MYO1E: variants seen among roughly 807,000 people sequenced by gnomAD.
MYO1E encodes unconventional myosin-Ie.
MYO1E carries 68 observed loss-of-function variants against 151.1 expected under a neutral mutation model. The observed-to-expected ratio is 0.45, with a 90% CI of 0.37 to 0.55. The LOEUF (loss-of-function observed/expected upper bound fraction) is 0.55, where lower values mean the gene tolerates loss of function less well. MYO1E is among the 20% of genes least tolerant of loss of function. The probability of loss-of-function intolerance (pLI) is 0.00; values close to 1 mark genes in which losing one functional copy is unlikely to be tolerated. For missense variants in MYO1E, 1,363 were observed against 1,389.3 expected (o/e 0.98, Z 0.30); for synonymous variants, 601 against 501.7 (o/e 1.20, Z -2.64).
chr15:59,190,652 C>T (rs1011553356), intron 17 of MYO1E, among the ~76,000 whole-genome samples: 5 of 152,214 alleles, frequency 3.3e-5, no homozygotes, highest in African/African-American at 1.2e-4. Context: ...TGCCACGATG[C>T]AACTTCTCTG....
At chr15:59,193,894 C>G (rs2129426) in intron 17 of MYO1E, among the ~76,000 whole-genome samples, 63,420 of 151,970 alleles carry the variant, frequency 0.42, 15,320 homozygotes, top group African/African-American at 0.64. Context: ...ATGCCTTAAG[C>G]GGTCAGGGGT....
At chr15:59,161,262 A>G in intron 23 of MYO1E, 32 bp from the exon 24 acceptor site, 1 of 1,610,222 alleles carries the variant, frequency 6.2e-7, no homozygotes, top group Non-Finnish European at 8.5e-7. Flanking sequence ...TAACAGGTCG[A>G]AGGACGCAGT....
chr15:59,150,864 C>G (rs1410950225), intron 26 of MYO1E, among the ~76,000 whole-genome samples: 1 of 152,140 alleles, frequency 6.6e-6, no homozygotes, highest in Non-Finnish European at 1.5e-5. Flanking sequence ...AGTGGGCCAG[C>G]AAGCTTTCCA....
intron 4 of MYO1E, among the ~76,000 whole-genome samples, chr15:59,250,571 A>T (rs1596384971): frequency 1.3e-5 from 2 of 151,554 alleles, no homozygotes; most frequent in South Asian, 4.2e-4. Context: ...TGTAATCCTA[A>T]GTGTAGGGCT....
chr15:59,356,912 T>G (rs1323218428), intron 1 of MYO1E, among the ~76,000 whole-genome samples: 17 of 872 alleles, frequency 0.019, no homozygotes, highest in African/African-American at 0.022. Context: ...TGTTTTTGGT[T>G]TTTTTTTTTT....
chr15:59,264,079 CT>C (rs1170137367), intron 2 of MYO1E, among the ~76,000 whole-genome samples: 12 of 152,226 alleles, frequency 7.9e-5, no homozygotes, highest in African/African-American at 2.4e-4. Flanking sequence ...GCAGATTGTG[CT>C]TTTTTTCATA....
intron 17 of MYO1E, among the ~76,000 whole-genome samples, chr15:59,193,792 C>T (rs140136066): frequency 6.6e-6 from 1 of 152,262 alleles, no homozygotes; most frequent in Non-Finnish European, 1.5e-5. Flanking sequence ...AGTATGAGCT[C>T]CTCATCCGGG....
At chr15:59,153,173 A>G (rs923031090) in intron 26 of MYO1E, among the ~76,000 whole-genome samples, 2 of 152,216 alleles carry the variant, frequency 1.3e-5, no homozygotes, top group Non-Finnish European at 2.9e-5. Context: ...TTCAACAAAT[A>G]TCATATAGAA....
At chr15:59,364,248 G>A (rs1211481437) in intron 1 of MYO1E, among the ~76,000 whole-genome samples, 1 of 152,210 alleles carries the variant, frequency 6.6e-6, no homozygotes, top group African/African-American at 2.4e-5. Context: ...ATATTTGAGT[G>A]TCAACGCCAG....
intron 7 of MYO1E, among the ~76,000 whole-genome samples, chr15:59,225,703 C>G (rs144389017): frequency 0.013 from 1,966 of 148,594 alleles, 43 homozygotes; most frequent in African/African-American, 0.045. Context: ...CTGGAGTGCA[C>G]TGGTGCGATC....
chr15:59,272,244 C>A, intron 2 of MYO1E, 62 bp downstream of exon 2: 1 of 1,596,218 alleles, frequency 6.3e-7, no homozygotes, highest in Non-Finnish European at 8.6e-7. Flanking sequence ...CATAAAGCCA[C>A]AATTTAACTG....
At chr15:59,292,427 G>T (rs530640848) in intron 1 of MYO1E, among the ~76,000 whole-genome samples, 1 of 152,190 alleles carries the variant, frequency 6.6e-6, no homozygotes, top group Non-Finnish European at 1.5e-5. Context: ...AGGCATATGA[G>T]TTCTGAAATT....
At chr15:59,249,171 C>T (rs1317929795) in intron 4 of MYO1E, among the ~76,000 whole-genome samples, 2 of 152,178 alleles carry the variant, frequency 1.3e-5, no homozygotes, top group African/African-American at 4.8e-5. Flanking sequence ...CGCCTGTAAT[C>T]CCAGCACTTT....
chr15:59,335,666 C>T (rs914828929), intron 1 of MYO1E, among the ~76,000 whole-genome samples: 6 of 152,168 alleles, frequency 3.9e-5, no homozygotes, highest in African/African-American at 7.2e-5. Context: ...GATGGACTTA[C>T]ATTTAAACTA....
intron 16 of MYO1E, among the ~76,000 whole-genome samples, chr15:59,201,798 T>C (rs1264860389): frequency 6.6e-6 from 1 of 152,184 alleles, no homozygotes; most frequent in Non-Finnish European, 1.5e-5. Flanking sequence ...TGAGAAACAC[T>C]GTAAGATTTC....
chr15:59,275,809 A>T (rs1175817787), intron 1 of MYO1E, among the ~76,000 whole-genome samples: 2 of 152,206 alleles, frequency 1.3e-5, no homozygotes, highest in African/African-American at 4.8e-5. Context: ...CCAAACATGG[A>T]TGTGCAGACC....
chr15:59,262,781 T>C (rs1221662251), intron 2 of MYO1E, among the ~76,000 whole-genome samples: 1 of 152,150 alleles, frequency 6.6e-6, no homozygotes, highest in South Asian at 2.1e-4. Flanking sequence ...AGAGAGGCTA[T>C]GCTTATGCTG....
At chr15:59,142,993 C>A (rs1353040457) in intron 26 of MYO1E, among the ~76,000 whole-genome samples, 2 of 146,628 alleles carry the variant, frequency 1.4e-5, no homozygotes, top group Non-Finnish European at 3.0e-5. Flanking sequence ...GGAACGGATT[C>A]TTTCTGGTGA....
intron 1 of MYO1E, among the ~76,000 whole-genome samples, chr15:59,306,144 G>A (rs1434494065): frequency 6.6e-6 from 1 of 152,122 alleles, no homozygotes; most frequent in Non-Finnish European, 1.5e-5. Flanking sequence ...ATGGCACCAG[G>A]TTTACACAAA....
Sources: allele counts gnomAD v4.1 joint callset (sites outside exome capture counted in the v4.1 genomes callset), GRCh38; gene constraint gnomAD v4.1.1; transcripts MANE v1.5; gene names NCBI Gene and HGNC (gene_info 2026-07-23, HGNC 2026-07-21).